Variants in NLK observed in about 807,000 individuals in gnomAD.
NLK encodes the protein serine/threonine-protein kinase NLK.
A neutral mutation model predicts 59.0 loss-of-function variants in NLK; 11 were observed. The ratio of observed to expected loss-of-function variants is 0.19; its 90% CI spans 0.12 to 0.31. The LOEUF (loss-of-function observed/expected upper bound fraction) is 0.31. NLK is among the 10% of genes least tolerant of loss of function. NLK has a pLI of 1.00. For missense variants in NLK, 410 were observed against 661.1 expected (o/e 0.62, Z 4.16); for synonymous variants, 235 against 235.9 (o/e 1.00, Z 0.03).
intron 1 of NLK, among the ~76,000 whole-genome samples, chr17:28,093,189 G>C (rs1904570784): frequency 6.6e-6 from 1 of 152,118 alleles, no homozygotes; most frequent in Non-Finnish European, 1.5e-5. Context: ...GTTGCAGGGA[G>C]GAGGGGATAT....
chr17:28,066,586 C>T (rs1394476532), intron 1 of NLK, among the ~76,000 whole-genome samples: 3 of 152,144 alleles, frequency 2.0e-5, no homozygotes, highest in Admixed American at 6.5e-5. Flanking sequence ...TATTCATTTA[C>T]AATATTTCTG....
intron 1 of NLK, 136 bp downstream of exon 1, chr17:28,043,467 T>C (rs979607607): frequency 7.9e-6 from 6 of 756,796 alleles, no homozygotes; most frequent in Admixed American, 3.2e-5. Context: ...GAAGCCACCC[T>C]CACTTATGTG....
chr17:28,131,009 A>G (rs968376921), intron 2 of NLK, among the ~76,000 whole-genome samples: 7 of 152,176 alleles, frequency 4.6e-5, no homozygotes. Context: ...TTCAAAAGGA[A>G]AGATAGATAT....
At chr17:28,107,171 C>T (rs533355487) in intron 1 of NLK, among the ~76,000 whole-genome samples, 24 of 152,146 alleles carry the variant, frequency 1.6e-4, no homozygotes, top group African/African-American at 5.5e-4. Flanking sequence ...CAGTGGCTCA[C>T]GCCTGTAATC....
intron 3 of NLK, among the ~76,000 whole-genome samples, chr17:28,160,171 G>A (rs1907945198): frequency 1.3e-5 from 2 of 152,178 alleles, no homozygotes; most frequent in African/African-American, 4.8e-5. Context: ...AGAGGAGTGA[G>A]GACCAGCAGC....
intron 7 of NLK, among the ~76,000 whole-genome samples, chr17:28,175,166 C>G (rs949173981): frequency 6.6e-6 from 1 of 151,866 alleles, no homozygotes; most frequent in Non-Finnish European, 1.5e-5. Flanking sequence ...GTAGTGTCAG[C>G]CGGGCGCGGC....
intron 1 of NLK, among the ~76,000 whole-genome samples, chr17:28,119,586 C>T (rs189023707): frequency 3.0e-4 from 46 of 152,196 alleles, no homozygotes; most frequent in African/African-American, 1.1e-3. Context: ...ATTTATTGTG[C>T]CCGGCTAACT....
At chr17:28,154,064 C>G (rs1907597850) in intron 3 of NLK, among the ~76,000 whole-genome samples, 1 of 152,114 alleles carries the variant, frequency 6.6e-6, no homozygotes, top group South Asian at 2.1e-4. Flanking sequence ...TAAATCTTTA[C>G]TACCATTCCT....
At position 28,170,481 on chromosome 17, in the gene NLK, G is replaced by A. The variant is rs572649554; in HGVS notation, c.1047+1824G>A. Reference sequence around the variant, plus strand: ...ACATTTAAATTTTTCTATGCTATACGTTTTAACTGTCTTTTTTAAAGTTTA... The same window carrying A: ...ACATTTAAATTTTTCTATGCTATACATTTTAACTGTCTTTTTTAAAGTTTA... On this transcript the variant is annotated intron_variant, in intron 6 of 10. Coordinates refer to ENST00000407008, the MANE Select transcript of NLK (RefSeq NM_016231.5). Among the ~76,000 whole-genome samples, 43 of 151,596 alleles carry A rather than the reference G, an allele frequency of 2.8e-4. 1 individual carries two copies. The highest frequency in any genetic ancestry group is 6.8e-4 in the African/African-American group (28 of 40,996).
intron 2 of NLK, among the ~76,000 whole-genome samples, chr17:28,127,889 A>C (rs1906354905): frequency 6.6e-6 from 1 of 152,188 alleles, no homozygotes. Context: ...GGTATAAAGC[A>C]CAAGATATGG....
chr17:28,093,429 A>G (rs544324740), intron 1 of NLK, among the ~76,000 whole-genome samples: 1 of 152,316 alleles, frequency 6.6e-6, no homozygotes, highest in South Asian at 2.1e-4. Context: ...TCTTAACTAC[A>G]TATTCCCCTT....
At chr17:28,155,719 G>T (rs545065930) in intron 3 of NLK, among the ~76,000 whole-genome samples, 1 of 149,824 alleles carries the variant, frequency 6.7e-6, no homozygotes, top group South Asian at 2.1e-4. Context: ...TCATAGGTGG[G>T]AATTGAACAA....
intron 1 of NLK, among the ~76,000 whole-genome samples, chr17:28,045,005 TA>T (rs2037382912): frequency 6.6e-6 from 1 of 152,226 alleles, no homozygotes; most frequent in South Asian, 2.1e-4. Context: ...TTTATTTATT[TA>T]TTTTTTTAAG....
rs1597695076 is a variant in NLK at position 28,123,263 on chromosome 17, AT to A, written c.588+533del. Among the ~76,000 whole-genome samples the A allele has an allele frequency of 7.2e-5, 11 of 152,280 alleles. No individual in the cohort carries two copies. In the East Asian group the frequency reaches 2.1e-3, roughly 29 times the overall value. ...TTTGTCAATCTGAATGTCTTTTTTAATTCTAAGAATACAAGCTATTAAATAT... is the reference window on the plus strand; with the variant it reads ...TTTGTCAATCTGAATGTCTTTTTTAATCTAAGAATACAAGCTATTAAATAT... On this transcript the variant is annotated intron_variant, in intron 2 of 10. Coordinates refer to ENST00000407008, the MANE Select transcript of NLK (RefSeq NM_016231.5).
the NLK span, among the ~76,000 whole-genome samples, chr17:28,202,687 CTT>C: frequency 1.3e-4 from 17 of 133,376 alleles, no homozygotes; most frequent in Non-Finnish European, 1.1e-4. Flanking sequence ...TCTTTTTTTT[CTT>C]TTTTTTTTTT....
intron 3 of NLK, among the ~76,000 whole-genome samples, chr17:28,155,851 G>A (rs1567730524): frequency 6.6e-6 from 1 of 152,132 alleles, no homozygotes; most frequent in Non-Finnish European, 1.5e-5. Context: ...GATGGGCGCA[G>A]CAAACCAACA....
intron 6 of NLK, 105 bp from the exon 7 acceptor site, chr17:28,172,412 G>A: frequency 1.8e-6 from 1 of 570,700 alleles, no homozygotes; most frequent in Non-Finnish European, 2.7e-6. Flanking sequence ...TTGTCTTAAG[G>A]TTTTTTCCCC....
intron 7 of NLK, among the ~76,000 whole-genome samples, chr17:28,179,227 T>C (rs1908799767): frequency 6.6e-6 from 1 of 151,992 alleles, no homozygotes; most frequent in South Asian, 2.1e-4. Flanking sequence ...TATTTCCAAA[T>C]GAGATGTTTA....
chr17:28,123,832 A>G (rs1000310978), intron 2 of NLK, among the ~76,000 whole-genome samples: 1 of 152,214 alleles, frequency 6.6e-6, no homozygotes, highest in African/African-American at 2.4e-5. Context: ...GGTCGCCAGC[A>G]TTAGAATATG....
Sources: allele counts gnomAD v4.1 joint callset (sites outside exome capture counted in the v4.1 genomes callset), GRCh38; gene constraint gnomAD v4.1.1; transcripts MANE v1.5; gene names NCBI Gene and HGNC (gene_info 2026-07-23, HGNC 2026-07-21).